The following NUDT9 variants were observed in gnomAD, a reference collection of about 807,000 sequenced individuals.
NUDT9 encodes the protein nudix hydrolase 9.
Under a neutral mutation model 41.0 loss-of-function variants are expected in NUDT9, and 31 were observed. The observed-to-expected ratio is 0.76, with a 90% CI of 0.57 to 1.02. The LOEUF is 1.02. Among genes scored for constraint, NUDT9 ranks in the 50% least tolerant of loss-of-function variants. The pLI is 0.00. For synonymous variants in NUDT9, 146 were observed against 147.6 expected, an observed-to-expected ratio of 0.99 and a Z score of 0.08; for missense variants, 380 against 431.4, an observed-to-expected ratio of 0.88 and a Z score of 1.06.
intron 7 of NUDT9, 128 bp downstream of exon 7, chr4:87,454,583 T>C: frequency 1.6e-6 from 1 of 610,302 alleles, no homozygotes; most frequent in Non-Finnish European, 2.9e-6. Context: ...AGGACTGTAG[T>C]TATATGAAAG....
intron 1 of NUDT9, among the ~76,000 whole-genome samples, chr4:87,429,726 CT>C (rs1297801056): frequency 4.2e-4 from 58 of 139,532 alleles, no homozygotes; most frequent in African/African-American, 1.4e-3. Flanking sequence ...TTCTTTCCCC[CT>C]CATCTCCTTT....
In NUDT9 at chr4:87,435,096, G is replaced by C. The variant is rs758551277; in HGVS notation, c.223G>C (p.Val75Leu). The change falls in exon 2 of 8, where the codon GTT (valine) becomes CTT (leucine). Residue 75 changes from valine to leucine, a missense_variant. Val to Leu is a conservative substitution (Grantham distance 32). Coordinates refer to ENST00000302174, the MANE Select transcript of NUDT9 (RefSeq NM_024047.5). Reference protein sequence around the residue: ...ARTSPYPGSKVERSQVPNEKV... With the variant: ...ARTSPYPGSKLERSQVPNEKV... Reference sequence around the variant, plus strand: ...GACGTCTCCTTACCCAGGTTCAAAAGTTGAACGAAGCCAGGTTCCTAATGA... The same window carrying C: ...GACGTCTCCTTACCCAGGTTCAAAACTTGAACGAAGCCAGGTTCCTAATGA... 6.2e-7 allele frequency: 1 copy of C among 1,614,192 alleles called. No homozygotes were observed. Among genetic ancestry groups the C allele is most frequent in the East Asian group, 2.2e-5 (1 of 44,878 alleles).
At chr4:87,438,577 A>T (rs1027537013) in intron 3 of NUDT9, among the ~76,000 whole-genome samples, 2 of 132,730 alleles carry the variant, frequency 1.5e-5, no homozygotes, top group Non-Finnish European at 3.4e-5. Context: ...AGCAATTTGT[A>T]TACAGCTAGT....
intron 4 of NUDT9, among the ~76,000 whole-genome samples, chr4:87,448,678 C>T (rs1398408243): frequency 2.6e-5 from 4 of 151,986 alleles, no homozygotes; most frequent in Non-Finnish European, 2.9e-5. Context: ...TGAGGTCTTC[C>T]GTTGTTGCCC....
At chr4:87,451,288 T>C (rs560680417) in intron 5 of NUDT9, among the ~76,000 whole-genome samples, 2 of 152,306 alleles carry the variant, frequency 1.3e-5, no homozygotes, top group Admixed American at 6.5e-5. Flanking sequence ...GAAGAATCAA[T>C]GTGCTGTGTT....
intron 2 of NUDT9, among the ~76,000 whole-genome samples, chr4:87,436,756 G>A (rs1305913216): frequency 6.6e-6 from 1 of 152,142 alleles, no homozygotes; most frequent in Non-Finnish European, 1.5e-5. Flanking sequence ...ATGGATCATT[G>A]AAATTGGAAA....
chr4:87,456,830 C>A (rs545774747), intron 7 of NUDT9, among the ~76,000 whole-genome samples: 1 of 152,216 alleles, frequency 6.6e-6, no homozygotes, highest in African/African-American at 2.4e-5. Flanking sequence ...ACTCGGGGGG[C>A]TGAGGCAGGA....
intron 6 of NUDT9, 35 bp from the exon 7 acceptor site, chr4:87,454,336 G>T: frequency 6.4e-6 from 8 of 1,251,996 alleles, no homozygotes; most frequent in Non-Finnish European, 9.4e-6. Context: ...ACTACACCTT[G>T]GACTTTTAAA....
intron 1 of NUDT9, among the ~76,000 whole-genome samples, chr4:87,427,910 G>A (rs1444331779): frequency 1.3e-5 from 2 of 152,120 alleles, no homozygotes; most frequent in Non-Finnish European, 2.9e-5. Context: ...TTTCATATAT[G>A]TATTCATTTT....
chr4:87,440,781 G>A, intron 3 of NUDT9, among the ~76,000 whole-genome samples: 1 of 152,058 alleles, frequency 6.6e-6, no homozygotes, highest in Non-Finnish European at 1.5e-5. Context: ...GGGAGACGGA[G>A]GTTGCAGTGA....
chr4:87,447,488 T>G (rs914676393), intron 4 of NUDT9, among the ~76,000 whole-genome samples: 98 of 151,474 alleles, frequency 6.5e-4, no homozygotes, highest in African/African-American at 1.1e-3. Flanking sequence ...TTTTTTTTTT[T>G]TTGTTTTGTT....
chr4:87,439,177 T>C (rs755800813), intron 3 of NUDT9, among the ~76,000 whole-genome samples: 7 of 131,748 alleles, frequency 5.3e-5, no homozygotes, highest in Non-Finnish European at 1.0e-4. Flanking sequence ...AAAAAAAAAA[T>C]AGACATACCC....
At chr4:87,428,533 GATATT>G (rs72343994) in intron 1 of NUDT9, among the ~76,000 whole-genome samples, 101,831 of 151,196 alleles carry the variant, frequency 0.67, 35,026 homozygotes, top group African/African-American at 0.82. Context: ...CAGACAATGG[GATATT>G]ATATTATTTA....
At chr4:87,431,593 T>C (rs1403464759) in intron 1 of NUDT9, among the ~76,000 whole-genome samples, 3 of 152,222 alleles carry the variant, frequency 2.0e-5, no homozygotes, top group Non-Finnish European at 4.4e-5. Flanking sequence ...AGCAATAGTT[T>C]GTAGTGTTCA....
chr4:87,444,678 G>A (rs7668956), intron 4 of NUDT9, among the ~76,000 whole-genome samples: 138,823 of 152,266 alleles, frequency 0.91, 63,441 homozygotes, highest in African/African-American at 0.97. Context: ...GAGTTTTGAA[G>A]GTTAGAATCT....
At chr4:87,449,578 C>G (rs899325234) in intron 5 of NUDT9, among the ~76,000 whole-genome samples, 1 of 152,048 alleles carries the variant, frequency 6.6e-6, no homozygotes, top group Admixed American at 6.6e-5. Context: ...ATAAAGAGAT[C>G]TACTTCACAG....
At chr4:87,426,449 G>T (rs543493419) in intron 1 of NUDT9, among the ~76,000 whole-genome samples, 1 of 150,544 alleles carries the variant, frequency 6.6e-6, no homozygotes, top group Non-Finnish European at 1.5e-5. Flanking sequence ...TCGCACTGTC[G>T]CCCCAGCTGG....
At chr4:87,445,438 C>G (rs1209747315) in intron 4 of NUDT9, 3 of 152,138 alleles carry the variant, frequency 2.0e-5, no homozygotes, top group Admixed American at 6.6e-5. Context: ...ATTTCATAAA[C>G]TTTTTCAGAA....
chr4:87,438,345 T>C lies in NUDT9; in HGVS notation c.416T>C (p.Leu139Pro). ...GHVERKSKNG[L>P]YEIENGRPRN... ...GTTGAGAGAAAGAGCAAGAATGGCCTGTATGAGATTGAAAATGGAAGACCG... is the reference window on the plus strand; with the variant it reads ...GTTGAGAGAAAGAGCAAGAATGGCCCGTATGAGATTGAAAATGGAAGACCG... The change falls in exon 3 of 8, where the codon CTG becomes CCG. Residue 139 changes from leucine (L) to proline (P), a missense_variant. Coordinates refer to ENST00000302174, the MANE Select transcript of NUDT9 (RefSeq NM_024047.5). 2 of 1,609,796 alleles carry C rather than the reference T, an allele frequency of 1.2e-6. No individual in the cohort carries two copies. Among genetic ancestry groups the C allele is most frequent in the Non-Finnish European group, 1.7e-6 (2 of 1,176,510 alleles).
Sources: gnomAD v4.1 joint callset for allele counts (sites outside exome capture counted in the v4.1 genomes callset) on GRCh38, gnomAD v4.1.1 for gene constraint, MANE v1.5 for transcripts, NCBI Gene and HGNC (gene_info 2026-07-23, HGNC 2026-07-21) for gene names.